Variants in SECISBP2 observed in about 807,000 individuals in gnomAD.
The protein encoded by SECISBP2 is SECIS binding protein 2.
Under a neutral mutation model 98.2 loss-of-function variants are expected in SECISBP2, and 96 were observed. The ratio of observed to expected loss-of-function variants is 0.98; its 90% CI spans 0.83 to 1.16. The LOEUF (loss-of-function observed/expected upper bound fraction) is 1.16. SECISBP2 is among the 50% of genes most tolerant of loss of function. SECISBP2 has a pLI of 0.00. For synonymous variants in SECISBP2, 407 were observed against 370.2 expected (o/e 1.10, Z -1.14); for missense variants, 1,046 against 1,022.9 (o/e 1.02, Z -0.31).
intron 8 of SECISBP2, 137 bp from the exon 9 acceptor site, chr9:89,339,727 T>C (rs540820062): frequency 3.8e-5 from 26 of 683,698 alleles, no homozygotes; most frequent in Admixed American, 1.9e-4. Flanking sequence ...GAAGCTCTTA[T>C]GTGAGAGTTT....
chr9:89,324,548 T>C (rs1396399501), intron 2 of SECISBP2: 4 of 152,252 alleles, frequency 2.6e-5, no homozygotes, highest in African/African-American at 9.6e-5. Context: ...ATTAGAAATA[T>C]GATTTCTAGT....
downstream of SECISBP2, chr9:89,363,415 G>T (rs1403692824): frequency 6.2e-7 from 1 of 1,609,948 alleles, no homozygotes; most frequent in Admixed American, 1.7e-5. Context: ...TCTTTGCCCG[G>T]CTGCGGCCAC....
chr9:89,341,501 A>C, intron 10 of SECISBP2, 22 bp downstream of exon 10: 11 of 1,613,184 alleles, frequency 6.8e-6, no homozygotes, highest in Non-Finnish European at 9.3e-6. Context: ...TTTCCATCTC[A>C]GGCAAGTGAT....
intron 5 of SECISBP2, among the ~76,000 whole-genome samples, chr9:89,331,880 G>T (rs888502423): frequency 1.3e-5 from 2 of 152,132 alleles, no homozygotes; most frequent in South Asian, 4.1e-4. Context: ...ATGGGAATCC[G>T]TATAAAAATA....
chr9:89,347,603 C>G (rs1014571115), intron 11 of SECISBP2, among the ~76,000 whole-genome samples: 1 of 151,902 alleles, frequency 6.6e-6, no homozygotes, highest in African/African-American at 2.4e-5. Flanking sequence ...CTCAGCCTCC[C>G]GAGTAGCTGG....
chr9:89,358,195 A>AG lies in SECISBP2; in HGVS notation c.2461+5dup, dbSNP rs1832393344. ...GAAAAAGAAGAGCCACACTACAGTG[A>AG]GTGCTTAAGGGAGAGTTGTGTCAGG... On this transcript the variant is annotated splice_donor_region_variant and intron_variant, in intron 16 of 16. Coordinates refer to ENST00000375807, the MANE Select transcript of SECISBP2 (RefSeq NM_024077.5). 4.3e-6 allele frequency: 7 copies of AG among 1,610,084 alleles called. No homozygotes were observed. Among genetic ancestry groups the AG allele is most frequent in the African/African-American group, 1.3e-5 (1 of 74,548 alleles).
At chr9:89,348,339 C>A in intron 12 of SECISBP2, 125 bp downstream of exon 12, 1 of 1,042,648 alleles carries the variant, frequency 9.6e-7, no homozygotes. Flanking sequence ...GAAAGTGGGT[C>A]AGCATTGAGC....
intron 4 of SECISBP2, among the ~76,000 whole-genome samples, chr9:89,327,593 G>A (rs115733832): frequency 7.4e-4 from 113 of 151,694 alleles, no homozygotes; most frequent in African/African-American, 2.4e-3. Context: ...AATTAAAAAC[G>A]AAGACACAAC....
chr9:89,320,439 A>C (rs2131521364), intron 2 of SECISBP2, among the ~76,000 whole-genome samples: 1 of 151,700 alleles, frequency 6.6e-6, no homozygotes, highest in East Asian at 1.9e-4. Context: ...ATCTAATGGG[A>C]GATGAAATGT....
chr9:89,332,877 T>C (rs763907299), intron 5 of SECISBP2, 31 bp from the exon 6 acceptor site: 1 of 1,548,872 alleles, frequency 6.5e-7, no homozygotes, highest in Admixed American at 1.7e-5. Flanking sequence ...TTTGCATTTC[T>C]CTGATGACAT....
chr9:89,323,992 A>T (rs184383673), intron 2 of SECISBP2: 109 of 152,178 alleles, frequency 7.2e-4, no homozygotes, highest in African/African-American at 2.5e-3. Flanking sequence ...AACCAATGGA[A>T]CCTGTCCCTG....
chr9:89,360,082 T>C (rs1832650156), downstream of SECISBP2, among the ~76,000 whole-genome samples: 1 of 152,200 alleles, frequency 6.6e-6, no homozygotes, highest in Admixed American at 6.5e-5. Context: ...GGTTGGTGTA[T>C]GAAGGCACCG....
chr9:89,357,487 C>G lies in SECISBP2; in HGVS notation c.2190C>G (p.Asn730Lys). Residue 730 changes from asparagine (N) to lysine (K), a missense_variant, in exon 15 of 17, where the codon AAC becomes AAG. Physicochemically the swap from Asn to Lys is moderately conservative, Grantham distance 94. Coordinates refer to ENST00000375807, the MANE Select transcript of SECISBP2 (RefSeq NM_024077.5). ...ACATTCCCTTTGTGTTTGCTCTCAA[C>G]CGCAAAGCTCTGGGGCGCAGTTTGA... The part of the protein sequence containing the change: ...EQNIPFVFAL[N>K]RKALGRSLNK... 6.2e-7 allele frequency: 1 copy of G among 1,614,198 alleles called. No individual in the cohort carries two copies. Among genetic ancestry groups the G allele is most frequent in the Non-Finnish European group, 8.5e-7 (1 of 1,180,030 alleles).
chr9:89,326,144 C>T (rs1826666265), intron 4 of SECISBP2, 106 bp downstream of exon 4: 7 of 1,390,920 alleles, frequency 5.0e-6, no homozygotes, highest in Non-Finnish European at 7.0e-6. Flanking sequence ...ATTGTGACTA[C>T]TCCAAGAAAT....
In SECISBP2 at chr9:89,318,509, T is replaced by G. The variant is rs990656404; in HGVS notation, c.-68T>G. On this transcript the variant is annotated 5_prime_UTR_variant, in exon 1 of 17. Transcript: ENST00000375807. ...CGTCGCCTGCGGGGGCGGAAACGCT[T>G]TGTCTGTCCGGCAAGCCGACGGCCC... is the stretch of plus-strand genomic sequence containing the variant. 6.8e-7 allele frequency: 1 copy of G among 1,477,838 alleles called. No individual in the cohort carries two copies. The highest frequency in any genetic ancestry group is 2.0e-5 in the Admixed American group (1 of 49,526). 91.5% of individuals were successfully genotyped at this position (1,477,838 alleles called of 1,614,324 possible).
chr9:89,324,963 T>C, intron 2 of SECISBP2: 1 of 226,834 alleles, frequency 4.4e-6, no homozygotes, highest in Non-Finnish European at 8.8e-6. Context: ...CTTTGCGCTC[T>C]GACCCTGTTA....
At chr9:89,354,613 C>T (rs1211640490) in intron 14 of SECISBP2, among the ~76,000 whole-genome samples, 2 of 152,206 alleles carry the variant, frequency 1.3e-5, no homozygotes, top group Non-Finnish European at 2.9e-5. Flanking sequence ...ACAGTGTTTG[C>T]ACACCATAGA....
At chr9:89,336,766 C>CTTTTTT (rs1167993596) in intron 7 of SECISBP2, among the ~76,000 whole-genome samples, 21 of 75,198 alleles carry the variant, frequency 2.8e-4, no homozygotes, top group Non-Finnish European at 3.0e-4. Flanking sequence ...CTGTCTAATT[C>CTTTTTT]TTTTTTTTTT....
rs765364340 is a variant in SECISBP2, at chr9:89,341,363, A to C, written c.1319A>C (p.Asn440Thr). 1 of 1,613,876 alleles carries C rather than the reference A, an allele frequency of 6.2e-7. No individual in the cohort carries two copies. Among genetic ancestry groups the C allele is most frequent in the South Asian group, 1.1e-5 (1 of 91,048 alleles). Reference sequence around the variant, plus strand: ...AACTTTCAGGATAATTTTAAAAATAATGTAAAGAAGAGCCAGCTTCCAGTG... The same window carrying C: ...AACTTTCAGGATAATTTTAAAAATACTGTAAAGAAGAGCCAGCTTCCAGTG... The part of the protein sequence containing the change: ...KQQPQDNFKN[N>T]VKKSQLPVQL... Residue 440 changes from asparagine (N) to threonine (T), a missense_variant, in exon 10 of 17, where the codon AAT (asparagine) becomes ACT (threonine). Asn to Thr is a moderately conservative substitution (Grantham distance 65). Coordinates refer to ENST00000375807, the MANE Select transcript of SECISBP2 (RefSeq NM_024077.5).
Sources: gnomAD v4.1 joint callset for allele counts (sites outside exome capture counted in the v4.1 genomes callset) on GRCh38, gnomAD v4.1.1 for gene constraint, MANE v1.5 for transcripts, NCBI Gene and HGNC (gene_info 2026-07-23, HGNC 2026-07-21) for gene names.